THAP7: variants seen among roughly 807,000 people sequenced by gnomAD.
The protein encoded by THAP7 is THAP domain-containing protein 7.
In THAP7, 22 loss-of-function variants were observed where a neutral mutation model predicts 29.2. The observed-to-expected ratio is 0.75, with a 90% CI of 0.54 to 1.08. The LOEUF (loss-of-function observed/expected upper bound fraction) is 1.08. Among genes scored for constraint, THAP7 ranks in the 50% least tolerant of loss-of-function variants. The pLI is 0.00. For synonymous variants in THAP7, 208 were observed against 173.4 expected (o/e 1.20, Z -1.57); for missense variants, 448 against 416.2 (o/e 1.08, Z -0.66).
chr22:21,001,898 C>G lies in THAP7; in HGVS notation c.14G>C (p.Cys5Ser). The change falls in exon 1 of 4, where the codon TGC becomes TCC. Residue 5 changes from cysteine to serine, a missense_variant. Cys to Ser is a moderately radical substitution (Grantham distance 112, BLOSUM62 -1). Coordinates refer to ENST00000215742, the MANE Select transcript of THAP7 (RefSeq NM_030573.3). ...CCGTGTGCAGCAGCCGGCGGCGGAG[C>G]AGTGACGCGGCATCTGGGAAAGAGG... The part of the protein sequence containing the change: MPRH[C>S]SAAGCCTRDT... The G allele has an allele frequency of 2.5e-6, 4 of 1,570,562 alleles. No individual in the cohort carries two copies. Among genetic ancestry groups the G allele is most frequent in the Non-Finnish European group, 3.5e-6 (4 of 1,159,308 alleles).
intron 1 of THAP7, 98 bp downstream of exon 1, chr22:21,001,734 A>T: frequency 7.7e-7 from 1 of 1,292,784 alleles, no homozygotes; most frequent in Non-Finnish European, 1.1e-6. Context: ...AAGCCTCCTC[A>T]GTATCTGAGA....
At chr22:21,000,461 G>A (rs1156392892) in intron 3 of THAP7, 29 bp from the exon 4 acceptor site, 1 of 1,541,990 alleles carries the variant, frequency 6.5e-7, no homozygotes, top group Admixed American at 2.0e-5. Flanking sequence ...GAGACTGATG[G>A]GCTAGGCTGA....
At position 20,999,931 on chromosome 22, in the gene THAP7, CAG is replaced by C. The variant is rs1047653317; in HGVS notation, c.877_878del (p.Leu293GlufsTer67). The part of the protein sequence containing the change: ...KRAQADARQT[L>X]KEHVQDFAMQ... ...TGGCAAAGTCCTGCACATGCTCCTT[CAG>C]AGTCTGGCGGGCATCTGCCTGTGCC... On this transcript the variant is annotated frameshift_variant, in exon 4 of 4. Coordinates refer to ENST00000215742, the MANE Select transcript of THAP7 (RefSeq NM_030573.3). LOFTEE classifies it high-confidence loss of function. 8 of 1,611,912 alleles carry C rather than the reference CAG, an allele frequency of 5.0e-6. No individual in the cohort carries two copies. Among genetic ancestry groups the C allele is most frequent in the Admixed American group, 1.7e-5 (1 of 60,002 alleles).
rs1281444629 is a variant in THAP7, at chr22:20,999,243, T to G, written c.*637A>C. 6.6e-6 allele frequency: 1 copy of G among 152,276 alleles called. No individual in the cohort carries two copies. The highest frequency in any genetic ancestry group is 1.5e-5 in the Non-Finnish European group (1 of 68,148). The allele number at this position is 152,276 out of a possible 1,614,324, so 9.4% of individuals were successfully genotyped here. A position where few individuals can be genotyped will look rare whatever the true frequency, so the allele number is the denominator to read the frequency against. The stretch of plus-strand genomic sequence containing the variant: ...TTGTCTCCATGTTCTGGCCACCTCT[T>G]CCTAGATTTCCAGGGACTAGCTTGT... On this transcript the variant is annotated 3_prime_UTR_variant, in exon 4 of 4. Transcript: ENST00000215742.
At position 21,000,776 on chromosome 22, in the gene THAP7, C is replaced by G; in HGVS notation, c.248G>C (p.Arg83Thr). Residue 83 changes from arginine (R) to threonine (T), a missense_variant, in exon 3 of 4, where the codon AGG (arginine) becomes ACG (threonine). By Grantham distance (71) the Arg-to-Thr change is moderately conservative. Transcript: ENST00000215742. ...FELVGISGYH[R>T]LKEGAVPTIF... ...GGTGGGGACTGCCCCCTCCTTTAGCCTGTGATATCCACTGCGGGGAAAAGC... is the reference window on the plus strand; with the variant it reads ...GGTGGGGACTGCCCCCTCCTTTAGCGTGTGATATCCACTGCGGGGAAAAGC... 1 of 1,614,198 alleles carries G rather than the reference C, an allele frequency of 6.2e-7. No homozygotes were observed. The highest frequency in any genetic ancestry group is 8.5e-7 in the Non-Finnish European group (1 of 1,180,032).
At position 21,000,689 on chromosome 22, in the gene THAP7, G is replaced by T; in HGVS notation, c.335C>A (p.Pro112His). The stretch of plus-strand genomic sequence containing the variant: ...GAGCCGGCTGACTTCAGCGGGGCCA[G>T]GTGGGTAACTGTGTCCTTTGGTCTT... ...TTKTKGHSYP[P>H]GPAEVSRLRR... Residue 112 changes from proline (P) to histidine (H), a missense_variant, in exon 3 of 4, where the codon CCT becomes CAT. Physicochemically the swap from Pro to His is moderately conservative, Grantham distance 77. Transcript: ENST00000215742. 4 of 1,614,184 alleles carry T rather than the reference G, an allele frequency of 2.5e-6. No individual in the cohort carries two copies. The highest frequency in any genetic ancestry group is 3.4e-6 in the Non-Finnish European group (4 of 1,180,018).
chr22:21,001,486 G>T lies in THAP7; in HGVS notation c.81-75C>A. On this transcript the variant is annotated intron_variant, in intron 1 of 3. Coordinates refer to ENST00000215742, the MANE Select transcript of THAP7 (RefSeq NM_030573.3). ...CATGCTGCCCAAGCACCCCAGAGGGGAAACGCAGACCCAACACGCGCCGCC... is the reference window on the plus strand; with the variant it reads ...CATGCTGCCCAAGCACCCCAGAGGGTAAACGCAGACCCAACACGCGCCGCC... The T allele has an allele frequency of 2.6e-6, 4 of 1,542,094 alleles. 1 individual carries two copies. Among genetic ancestry groups the T allele is most frequent in the Middle Eastern group, 2.3e-4 (1 of 4,388 alleles).
chr22:21,000,520 C>G (rs1925100704), intron 3 of THAP7, 88 bp from the exon 4 acceptor site: 1 of 1,565,498 alleles, frequency 6.4e-7, no homozygotes, highest in African/African-American at 1.3e-5. Flanking sequence ...ACCCTTAACA[C>G]CCAAACCCGA....
At chr22:21,001,532 C>T (rs1925165548) in intron 1 of THAP7, 121 bp from the exon 2 acceptor site, 1 of 1,447,648 alleles carries the variant, frequency 6.9e-7, no homozygotes, top group Non-Finnish European at 9.2e-7. Flanking sequence ...CCTGCGACCC[C>T]GCCGGGTAAG....
intron 2 of THAP7, 39 bp downstream of exon 2, chr22:21,001,217 C>T: frequency 1.2e-6 from 2 of 1,605,612 alleles, no homozygotes; most frequent in Non-Finnish European, 1.7e-6. Context: ...GCCGGGAGCC[C>T]CACATCCTAC....
rs1283693572 is a variant in THAP7, at chr22:21,001,250, G to GC, written c.236+5dup. On this transcript the variant is annotated splice_donor_region_variant and intron_variant, in intron 2 of 3. Coordinates refer to ENST00000215742, the MANE Select transcript of THAP7 (RefSeq NM_030573.3). ...TACCCCAGCGTCGGCCGGCAGGGAG[G>GC]CCCACCTGATTCCCACCAGCTCAAA... The GC allele has an allele frequency of 5.6e-6, 9 of 1,611,222 alleles. No individual in the cohort carries two copies. The African/African-American group carries it at 1.1e-4, about 19-fold the overall frequency.
At position 20,999,863 on chromosome 22, in the gene THAP7, G is replaced by A. The variant is rs201871807; in HGVS notation, c.*17C>T. On this transcript the variant is annotated 3_prime_UTR_variant, in exon 4 of 4. Coordinates refer to ENST00000215742, the MANE Select transcript of THAP7 (RefSeq NM_030573.3). ...TGCAGTCTTGCTGGGCAGCCCCTCGGTCAGTCCAGCAGCCCCTCAGGCCAT... is the reference window on the plus strand; with the variant it reads ...TGCAGTCTTGCTGGGCAGCCCCTCGATCAGTCCAGCAGCCCCTCAGGCCAT... 72 of 1,590,518 alleles carry A rather than the reference G, an allele frequency of 4.5e-5. No homozygotes were observed. In the South Asian group the frequency reaches 7.2e-4, roughly 16 times the overall value.
At chr22:21,000,590 G>A (rs755128230) in intron 3 of THAP7, 57 bp downstream of exon 3, 137 of 1,610,258 alleles carry the variant, frequency 8.5e-5, no homozygotes, top group Non-Finnish European at 7.0e-5. Context: ...ACACCCCTAG[G>A]GCCCAGTCCC....
Position 20,999,899 on chromosome 22 carries a change from A to C in THAP7, c.911T>G (p.Leu304Arg). ...KEHVQDFAMQ[L>R]SSSMA ...AGCCCCTCAGGCCATGCTGCTGCTC[A>C]GCTGCATGGCAAAGTCCTGCACATG... is the stretch of plus-strand genomic sequence containing the variant. The change falls in exon 4 of 4, where the codon CTG becomes CGG. Residue 304 changes from leucine to arginine, a missense_variant. Physicochemically the swap from Leu to Arg is moderately radical, Grantham distance 102. Transcript: ENST00000215742. 6.2e-7 allele frequency: 1 copy of C among 1,608,664 alleles called. No individual in the cohort carries two copies. Among genetic ancestry groups the C allele is most frequent in the South Asian group, 1.1e-5 (1 of 91,006 alleles).
In THAP7 at chr22:20,999,878, C is replaced by A; in HGVS notation, c.*2G>T. ...CAGCCCCTCGGTCAGTCCAGCAGCC[C>A]CTCAGGCCATGCTGCTGCTCAGCTG... On this transcript the variant is annotated 3_prime_UTR_variant, in exon 4 of 4. Transcript: ENST00000215742. 6.2e-7 allele frequency: 1 copy of A among 1,600,964 alleles called. No individual in the cohort carries two copies.
intron 1 of THAP7, 22 bp downstream of exon 1, chr22:21,001,810 C>T (rs373162265): frequency 1.9e-6 from 3 of 1,543,054 alleles, no homozygotes; most frequent in South Asian, 1.2e-5. Context: ...CGCACGTGAG[C>T]CCGCGGCGCA....
At position 20,999,591 on chromosome 22, in the gene THAP7, C is replaced by T; in HGVS notation, c.*289G>A. 2.2e-6 allele frequency: 1 copy of T among 454,694 alleles called. No individual in the cohort carries two copies. The highest frequency in any genetic ancestry group is 4.0e-6 in the Non-Finnish European group (1 of 251,774). The allele number at this position is 454,694 out of a possible 1,614,324, so 28.2% of individuals were successfully genotyped here. A position where few individuals can be genotyped will look rare whatever the true frequency, so the allele number is the denominator to read the frequency against. ...TCAGAGAACCCTGTGGGGCACGGAG[C>T]TGCGCTAGCAGGGCTGACTGCCACC... On this transcript the variant is annotated 3_prime_UTR_variant, in exon 4 of 4. Transcript: ENST00000215742.
At chr22:21,000,552 G>T (rs931591349) in intron 3 of THAP7, 95 bp downstream of exon 3, 1 of 1,587,748 alleles carries the variant, frequency 6.3e-7, no homozygotes, top group Non-Finnish European at 8.6e-7. Context: ...TGTGTAGCAA[G>T]AACCCTGTCC....
Position 21,000,107 on chromosome 22 carries a change from C to T in THAP7, c.703G>A (p.Gly235Ser), listed in dbSNP as rs1925064506. ...CGCCGCTTCCAGAGTAAGGCGCTGC[C>T]CACCTGGTAGCTGTGTTCATTCTGG... The part of the protein sequence containing the change: ...YIQNEHSYQV[G>S]SALLWKRRAE... The change falls in exon 4 of 4, where the codon GGC (glycine) becomes AGC (serine). Residue 235 changes from glycine (G) to serine (S), a missense_variant. Coordinates refer to ENST00000215742, the MANE Select transcript of THAP7 (RefSeq NM_030573.3). 1 of 1,611,908 alleles carries T rather than the reference C, an allele frequency of 6.2e-7. No homozygotes were observed. Among genetic ancestry groups the T allele is most frequent in the African/African-American group, 1.3e-5 (1 of 75,036 alleles).
Sources: gnomAD v4.1 joint callset for allele counts on GRCh38, gnomAD v4.1.1 for gene constraint, MANE v1.5 for transcripts, NCBI Gene and HGNC (gene_info 2026-07-23, HGNC 2026-07-21) for gene names.